The following LNX1 variants were observed in gnomAD, a reference collection of about 807,000 sequenced individuals.
LNX1 encodes the protein ligand of numb-protein X 1, also known as E3 ubiquitin-protein ligase LNX.
A neutral mutation model predicts 68.4 loss-of-function variants in LNX1; 54 were observed. The ratio of observed to expected loss-of-function variants is 0.79; its 90% CI spans 0.63 to 0.99. The LOEUF (loss-of-function observed/expected upper bound fraction) is 0.99. Ranked by LOEUF, LNX1 falls within the 50% of genes least tolerant of loss-of-function variation. The pLI is 0.00. For synonymous variants in LNX1, 336 were observed against 350.0 expected (o/e 0.96, Z 0.45); for missense variants, 906 against 926.4 (o/e 0.98, Z 0.29).
intron 2 of LNX1, among the ~76,000 whole-genome samples, chr4:53,522,120 C>T (rs1405948699): frequency 6.6e-6 from 1 of 152,086 alleles, no homozygotes; most frequent in African/African-American, 2.4e-5. Flanking sequence ...GTTTGGCAGA[C>T]GAGGCTTCTT....
At chr4:53,625,387 A>G (rs1734034204) in intron 1 of LNX1, among the ~76,000 whole-genome samples, 1 of 152,226 alleles carries the variant, frequency 6.6e-6, no homozygotes, top group Admixed American at 6.5e-5. Context: ...AAGACAAGCC[A>G]GTTAAAAAAT....
At chr4:53,606,283 C>T (rs2109841862) in intron 2 of LNX1, among the ~76,000 whole-genome samples, 1 of 151,816 alleles carries the variant, frequency 6.6e-6, no homozygotes, top group South Asian at 2.1e-4. Context: ...TATAAAAAAC[C>T]CTCAGAAATT....
chr4:53,602,876 C>G (rs1560690238), intron 2 of LNX1: 1 of 152,118 alleles, frequency 6.6e-6, no homozygotes, highest in Non-Finnish European at 1.5e-5. Context: ...ATTTCAAAGC[C>G]TTGAAAAAAT....
chr4:53,507,544 T>C (rs1194845225), intron 3 of LNX1, 75 bp from the exon 4 acceptor site: 7 of 1,490,430 alleles, frequency 4.7e-6, no homozygotes, highest in Admixed American at 3.6e-5. Context: ...TCTGATAAGA[T>C]ATACACAATA....
Position 53,481,763 on chromosome 4 carries a change from C to T in LNX1, c.1442G>A (p.Gly481Asp). The change falls in exon 7 of 11, where the codon GGC becomes GAC. Residue 481 changes from glycine (G) to aspartate (D), a missense_variant. Physicochemically the swap from Gly to Asp is moderately conservative, Grantham distance 94. Coordinates refer to ENST00000263925, the MANE Select transcript of LNX1 (RefSeq NM_001126328.3). ...CTCCCCTGGCCCTGGGGACCAGCTG[C>T]CATTGCTGTTCCAGCCGGCTTCCTG... ...IFQEAGWNSN[G>D]SWSPGPGERS... 1.2e-6 allele frequency: 2 copies of T among 1,613,940 alleles called. No individual in the cohort carries two copies. Among genetic ancestry groups the T allele is most frequent in the East Asian group, 4.5e-5 (2 of 44,850 alleles).
At chr4:53,519,956 G>A (rs1014569581) in intron 2 of LNX1, among the ~76,000 whole-genome samples, 7 of 152,192 alleles carry the variant, frequency 4.6e-5, no homozygotes, top group African/African-American at 1.4e-4. Flanking sequence ...CGATGTGCTG[G>A]TGCTCACCCT....
chr4:53,649,714 A>G (rs1735020466), intron 1 of LNX1, among the ~76,000 whole-genome samples: 1 of 152,160 alleles, frequency 6.6e-6, no homozygotes, highest in Non-Finnish European at 1.5e-5. Context: ...CCCCTTGGGC[A>G]TCTCCTCTGT....
rs1462532684 is a variant in LNX1, at chr4:53,460,810, T to C, written c.*97A>G. The C allele has an allele frequency of 1.5e-5, 18 of 1,209,866 alleles. No individual in the cohort carries two copies. The East Asian group carries it at 4.3e-4, about 29-fold the overall frequency. 74.9% of individuals were successfully genotyped at this position (1,209,866 alleles called of 1,614,324 possible). Reference sequence around the variant, plus strand: ...TTTTCCTGACATTTTTACAATGTATTCTTTCTTTAAATATAAAAACTGACA... The same window carrying C: ...TTTTCCTGACATTTTTACAATGTATCCTTTCTTTAAATATAAAAACTGACA... On this transcript the variant is annotated 3_prime_UTR_variant, in exon 11 of 11. Coordinates refer to ENST00000263925, the MANE Select transcript of LNX1 (RefSeq NM_001126328.3).
intron 9 of LNX1, among the ~76,000 whole-genome samples, chr4:53,474,157 T>A (rs1336427628): frequency 6.6e-6 from 1 of 152,216 alleles, no homozygotes; most frequent in East Asian, 1.9e-4. Flanking sequence ...CAGTTCCTAA[T>A]TGGCAGTGGA....
At chr4:53,515,520 C>CCA (rs1726705831) in intron 2 of LNX1, among the ~76,000 whole-genome samples, 1 of 148,474 alleles carries the variant, frequency 6.7e-6, no homozygotes, top group Non-Finnish European at 1.5e-5. Context: ...CCCACCCCAC[C>CCA]AAAAAAAAAA....
chr4:53,626,694 A>G (rs1734087683), intron 1 of LNX1, among the ~76,000 whole-genome samples: 1 of 152,174 alleles, frequency 6.6e-6, no homozygotes, highest in South Asian at 2.1e-4. Flanking sequence ...TCTTTTTGCC[A>G]TAAATAGGCA....
chr4:53,561,410 T>G (rs551096169), intron 2 of LNX1, among the ~76,000 whole-genome samples: 1 of 152,240 alleles, frequency 6.6e-6, no homozygotes, highest in East Asian at 1.9e-4. Context: ...CTATTTTTAG[T>G]AGAGATGGGG....
chr4:53,471,084 C>A (rs1428464171), intron 9 of LNX1, among the ~76,000 whole-genome samples: 2 of 97,616 alleles, frequency 2.0e-5, no homozygotes, highest in Admixed American at 1.1e-4. Flanking sequence ...TACCTGACTT[C>A]AAACTATACT....
intron 6 of LNX1, among the ~76,000 whole-genome samples, chr4:53,488,020 A>G (rs1167027345): frequency 6.6e-6 from 1 of 152,206 alleles, no homozygotes; most frequent in African/African-American, 2.4e-5. Context: ...AAGCCCTGGG[A>G]AATTGTGAAG....
intron 9 of LNX1, among the ~76,000 whole-genome samples, chr4:53,470,313 T>A (rs920266997): frequency 1.3e-5 from 2 of 152,168 alleles, no homozygotes; most frequent in African/African-American, 2.4e-5. Context: ...AAACTCTCAA[T>A]AAATTAGGTA....
intron 10 of LNX1, 118 bp downstream of exon 10, chr4:53,461,316 AC>A: frequency 1.2e-6 from 1 of 830,186 alleles, no homozygotes; most frequent in African/African-American, 1.7e-5. Flanking sequence ...AATGCTACGT[AC>A]ATACTTTTAA....
chr4:53,575,225 A>T (rs1731410397), intron 1 of LNX1, among the ~76,000 whole-genome samples: 2 of 152,120 alleles, frequency 1.3e-5, no homozygotes, highest in Non-Finnish European at 2.9e-5. Context: ...CAAGAGATCC[A>T]CCTGCTTTGG....
intron 9 of LNX1, among the ~76,000 whole-genome samples, chr4:53,466,498 G>C (rs1722693174): frequency 6.6e-6 from 1 of 152,244 alleles, no homozygotes; most frequent in Admixed American, 6.5e-5. Context: ...GTGCAGGACA[G>C]TGGGTGCAGC....
At chr4:53,461,300 A>C (rs1722060450) in intron 10 of LNX1, 135 bp downstream of exon 10, 1 of 751,530 alleles carries the variant, frequency 1.3e-6, no homozygotes, top group South Asian at 2.0e-5. Context: ...GATTTCTCAG[A>C]AGTTGAATGC....
Sources: gnomAD v4.1 joint callset for allele counts (sites outside exome capture counted in the v4.1 genomes callset) on GRCh38, gnomAD v4.1.1 for gene constraint, MANE v1.5 for transcripts, NCBI Gene and HGNC (gene_info 2026-07-23, HGNC 2026-07-21) for gene names.